Variants in CARD10 observed in about 807,000 individuals in gnomAD.
The protein encoded by CARD10 is caspase recruitment domain-containing protein 10.
CARD10 carries 49 observed loss-of-function variants against 114.6 expected under a neutral mutation model. The observed-to-expected ratio is 0.43, with a 90% confidence interval of 0.34 to 0.54. CARD10 has a LOEUF of 0.54. Among genes scored for constraint, CARD10 ranks in the 20% least tolerant of loss-of-function variants. CARD10 has a pLI of 0.03. For missense variants in CARD10, 1,206 were observed against 1,397.2 expected (o/e 0.86, Z 2.18); for synonymous variants, 602 against 593.2 (o/e 1.01, Z -0.21).
At chr22:37,513,204 G>A (rs1019308106) in intron 3 of CARD10, among the ~76,000 whole-genome samples, 5 of 151,976 alleles carry the variant, frequency 3.3e-5, no homozygotes, top group African/African-American at 4.8e-5. Flanking sequence ...TCCACCTCCC[G>A]GGTTCAAGCA....
In CARD10 at chr22:37,510,379, A is replaced by C; in HGVS notation, c.742T>G (p.Cys248Gly). Residue 248 changes from cysteine to glycine, a missense_variant, in exon 4 of 20, where the codon TGT (cysteine) becomes GGT (glycine). Physicochemically the swap from Cys to Gly is radical, Grantham distance 159. Around this residue, in one of 2 missense-constraint regions of CARD10, gnomAD observed 1,068 missense variants for 1,179.1 expected, o/e 0.91. Coordinates refer to ENST00000251973, the MANE Select transcript of CARD10 (RefSeq NM_014550.4). ...KLKVSRLEEECALLRRARGPP... is the reference protein window; with the variant it reads ...KLKVSRLEEEGALLRRARGPP... ...CCCCTGGCCCTTCGAAGCAGTGCAC[A>C]CTCTTCCTCCAGCCGACTCACTTTG... is the stretch of plus-strand genomic sequence containing the variant. The C allele has an allele frequency of 3.1e-6, 5 of 1,612,700 alleles. No individual in the cohort carries two copies. The highest frequency in any genetic ancestry group is 4.2e-6 in the Non-Finnish European group (5 of 1,179,754).
At chr22:37,511,373 AAAAAG>A (rs1249188445) in intron 3 of CARD10, among the ~76,000 whole-genome samples, 18 of 141,848 alleles carry the variant, frequency 1.3e-4, no homozygotes, top group African/African-American at 4.2e-4. Flanking sequence ...AAAAAAAAAA[AAAAAG>A]AAGAAGAAGG....
rs1222328097 is a variant in CARD10 at position 37,519,407 on chromosome 22, G to T, written c.-207C>A. ...TCGGGCGGCGGCTCCGCCGGCGCAG[G>T]GGGGCGGTGCCCGTGGCGCCCCCGG... On this transcript the variant is annotated 5_prime_UTR_variant, in exon 1 of 20. Coordinates refer to ENST00000251973, the MANE Select transcript of CARD10 (RefSeq NM_014550.4). The surrounding 1 kb of genome is among the most constrained non-coding windows in gnomAD (Gnocchi z 4.1). 5.1e-6 allele frequency: 6 copies of T among 1,184,916 alleles called. No individual in the cohort carries two copies. The highest frequency in any genetic ancestry group is 6.3e-6 in the Non-Finnish European group (6 of 958,080). The allele number at this position is 1,184,916 out of a possible 1,614,324, so 73.4% of individuals were successfully genotyped here.
intron 7 of CARD10, among the ~76,000 whole-genome samples, chr22:37,505,275 TA>T (rs35364224): frequency 7.7e-3 from 1,089 of 141,146 alleles, no homozygotes; most frequent in Middle Eastern, 0.018. Context: ...CACTGGGGGT[TA>T]AAAAAAAAAA....
In CARD10 at chr22:37,506,275, G is replaced by A; in HGVS notation, c.1300C>T (p.Leu434=). The A allele has an allele frequency of 6.2e-7, 1 of 1,609,592 alleles. No homozygotes were observed. Among genetic ancestry groups the A allele is most frequent in the Non-Finnish European group, 8.5e-7 (1 of 1,178,070 alleles). Residue 434 remains leucine, a synonymous_variant, in exon 7 of 20, where the codon CTG becomes TTG. Transcript: ENST00000251973. Reference sequence around the variant, plus strand: ...CCCTCCAGGCTGGTGAGCGTTGTCAGCAGCTCATCCCGCTCCGCCTCCAGG... The same window carrying A: ...CCCTCCAGGCTGGTGAGCGTTGTCAACAGCTCATCCCGCTCCGCCTCCAGG... ...RGLEAERDEL[L]TTLTSLEGTK...
At chr22:37,491,890 A>C (rs779971846) in intron 18 of CARD10, 23 bp from the exon 19 acceptor site, 1 of 1,523,372 alleles carries the variant, frequency 6.6e-7, no homozygotes. Context: ...TCGAGGCTAC[A>C]ATGTACTCCT....
At chr22:37,508,723 G>A (rs754113769) in intron 4 of CARD10, 41 bp from the exon 5 acceptor site, 4 of 1,515,184 alleles carry the variant, frequency 2.6e-6, no homozygotes, top group African/African-American at 1.4e-5. Context: ...GTCTGGCTAG[G>A]GGCCCACCCT....
intron 4 of CARD10, 94 bp downstream of exon 4, chr22:37,510,118 C>T (rs1474210875): frequency 1.9e-6 from 2 of 1,027,224 alleles, no homozygotes; most frequent in East Asian, 2.6e-5. Flanking sequence ...TTCCTGATCC[C>T]CCACCCCGCA....
At chr22:37,517,707 T>C (rs1301945724) in intron 2 of CARD10, among the ~76,000 whole-genome samples, 6 of 152,132 alleles carry the variant, frequency 3.9e-5, no homozygotes, top group Non-Finnish European at 7.4e-5. Context: ...TATACATCTG[T>C]GTATGTCAGA....
At chr22:37,498,031 AG>A in intron 11 of CARD10, among the ~76,000 whole-genome samples, 1 of 152,172 alleles carries the variant, frequency 6.6e-6, no homozygotes, top group Non-Finnish European at 1.5e-5. Context: ...TGACAGATGG[AG>A]GAAACAGAGT....
intron 3 of CARD10, among the ~76,000 whole-genome samples, chr22:37,513,264 C>T (rs568953243): frequency 6.6e-6 from 1 of 152,160 alleles, no homozygotes; most frequent in South Asian, 2.1e-4. Flanking sequence ...GTGCATGCCA[C>T]CACGCCCGGC....
Position 37,496,539 on chromosome 22 carries a change from G to C in CARD10, c.1969C>G (p.Leu657Val), listed in dbSNP as rs1262895118. Residue 657 changes from leucine (L) to valine (V), a missense_variant, in exon 13 of 20, where the codon CTG becomes GTG. By Grantham distance (32) the Leu-to-Val change is conservative. Transcript: ENST00000251973. The surrounding 1 kb of genome is among the most constrained non-coding windows in gnomAD (Gnocchi z 4.1). ...PREQRVEAAG[L>V]EGACLEAEAQ... is the part of the protein sequence containing the mutation. ...TCGGCTTCCAGGCACGCCCCCTCCA[G>C]ACCAGCAGCTTCCACCCTTTGCTGG... The C allele has an allele frequency of 1.2e-6, 2 of 1,613,584 alleles. No individual in the cohort carries two copies. The highest frequency in any genetic ancestry group is 1.7e-6 in the Non-Finnish European group (2 of 1,179,820).
At chr22:37,513,005 T>C (rs189753984) in intron 3 of CARD10, among the ~76,000 whole-genome samples, 82 of 152,326 alleles carry the variant, frequency 5.4e-4, no homozygotes, top group African/African-American at 1.9e-3. Context: ...AGGTGCTCTG[T>C]TCAGATCCAT....
In CARD10 at chr22:37,510,149, G is replaced by A. The variant is rs566580966; in HGVS notation, c.909+63C>T. ...CCGCAGCCTGTGCCCACAAGCCCCA[G>A]TACCTGCTGCAGGCCCTCCTGACCA... On this transcript the variant is annotated intron_variant, in intron 4 of 19. Coordinates refer to ENST00000251973, the MANE Select transcript of CARD10 (RefSeq NM_014550.4). 20 of 1,430,408 alleles carry A rather than the reference G, an allele frequency of 1.4e-5. 1 individual carries two copies. In the African/African-American group the frequency reaches 1.8e-4, roughly 13 times the overall value. 88.6% of individuals were successfully genotyped at this position (1,430,408 alleles called of 1,614,324 possible).
chr22:37,497,358 T>C (rs1326401327), intron 11 of CARD10, 180 bp from the exon 12 acceptor site: 2 of 648,084 alleles, frequency 3.1e-6, no homozygotes, highest in Non-Finnish European at 5.2e-6. Context: ...TGATCATCCT[T>C]CAAATCTCAA....
At position 37,519,391 on chromosome 22, in the gene CARD10, G is replaced by T. The variant is rs1009708268; in HGVS notation, c.-191C>A. 8.3e-7 allele frequency: 1 copy of T among 1,202,596 alleles called. No individual in the cohort carries two copies. The highest frequency in any genetic ancestry group is 1.6e-5 in the African/African-American group (1 of 63,116). 74.5% of individuals were successfully genotyped at this position (1,202,596 alleles called of 1,614,324 possible). A position where few individuals can be genotyped will look rare whatever the true frequency, so the allele number is the denominator to read the frequency against. On this transcript the variant is annotated 5_prime_UTR_variant, in exon 1 of 20. Transcript: ENST00000251973. This position sits in a 1 kb window ranked among gnomAD's most constrained non-coding sequence, Gnocchi z 4.1. ...GCTCCCGGGTCCGCACTCGGGCGGC[G>T]GCTCCGCCGGCGCAGGGGGGCGGTG...
intron 3 of CARD10, chr22:37,510,691 C>T: frequency 2.1e-6 from 1 of 472,066 alleles, no homozygotes; most frequent in East Asian, 3.4e-5. Context: ...CATGCTGCAT[C>T]ACGACACGCT....
At position 37,516,045 on chromosome 22, in the gene CARD10, G is replaced by A. The variant is rs140272656; in HGVS notation, c.627C>T (p.Ile209=). The A allele has an allele frequency of 4.7e-5, 75 of 1,602,396 alleles. No individual in the cohort carries two copies. In the African/African-American group the frequency reaches 5.1e-4, roughly 11 times the overall value. Reference sequence around the variant, plus strand: ...CACTGAGCTGTGCCAGGCGCATGGCGATCATGTAGTTCTCATCCTTGAGCC... The same window carrying A: ...CACTGAGCTGTGCCAGGCGCATGGCAATCATGTAGTTCTCATCCTTGAGCC... The part of the protein sequence containing the change: ...LLRLKDENYM[I]AMRLAQLSEE... Residue 209 remains isoleucine, a synonymous_variant, in exon 3 of 20, where the codon ATC becomes ATT. Transcript: ENST00000251973.
intron 9 of CARD10, 66 bp downstream of exon 9, chr22:37,504,120 G>T (rs1156927536): frequency 1.8e-6 from 2 of 1,121,360 alleles, no homozygotes; most frequent in East Asian, 2.6e-5. Context: ...GATTCTGGGA[G>T]GTGGCTGTTC....
Sources: allele counts gnomAD v4.1 joint callset (sites outside exome capture counted in the v4.1 genomes callset), GRCh38; gene constraint gnomAD v4.1.1; regional missense constraint gnomAD v4.1.1; non-coding constraint Gnocchi (gnomAD v3.1); transcripts MANE v1.5; gene names NCBI Gene and HGNC (gene_info 2026-07-23, HGNC 2026-07-21).